The following PTPRM variants were observed in gnomAD, a reference collection of about 807,000 sequenced individuals.
PTPRM encodes protein tyrosine phosphatase receptor type M.
Under a neutral mutation model 186.7 loss-of-function variants are expected in PTPRM, and 47 were observed. That is an observed-to-expected ratio of 0.25 (90% CI 0.20 to 0.32). The LOEUF is 0.32. Among genes scored for constraint, PTPRM ranks in the 10% least tolerant of loss-of-function variants. PTPRM has a pLI of 1.00. For synonymous variants in PTPRM, 668 were observed against 674.9 expected (o/e 0.99, Z 0.16); for missense variants, 1,494 against 1,865.0 (o/e 0.80, Z 3.66).
chr18:7,913,175 G>T (rs1003200260), intron 4 of PTPRM, among the ~76,000 whole-genome samples: 1 of 152,126 alleles, frequency 6.6e-6, no homozygotes, highest in Non-Finnish European at 1.5e-5. Context: ...AGTTGATTTT[G>T]TTTATTGATC....
rs148246077 is a variant in PTPRM at position 8,027,884 on chromosome 18, C to T, written c.1133-41802C>T. Reference sequence around the variant, plus strand: ...GTTAGCGATTTCTTCCATCTCTAGCCCCAGCCCCTGTCTTCTGTCTCTTCT... The same window carrying T: ...GTTAGCGATTTCTTCCATCTCTAGCTCCAGCCCCTGTCTTCTGTCTCTTCT... On this transcript the variant is annotated intron_variant, in intron 7 of 32. Transcript: ENST00000580170. 3.1e-3 allele frequency among the ~76,000 whole-genome samples: 471 copies of T among 152,270 alleles called. 1 individual carries two copies. The highest frequency in any genetic ancestry group is 0.011 in the African/African-American group (455 of 41,558).
chr18:8,215,184 C>T (rs908816667), intron 14 of PTPRM, among the ~76,000 whole-genome samples: 2 of 152,038 alleles, frequency 1.3e-5, no homozygotes, highest in African/African-American at 2.4e-5. Context: ...TGTGAGAACC[C>T]GAAAATAGTT....
chr18:8,186,136 G>C (rs2093638340), intron 14 of PTPRM, among the ~76,000 whole-genome samples: 1 of 151,936 alleles, frequency 6.6e-6, no homozygotes, highest in South Asian at 2.1e-4. Flanking sequence ...GACCATCCTG[G>C]CCAACATGGT....
intron 1 of PTPRM, among the ~76,000 whole-genome samples, chr18:7,730,127 A>G (rs1337990477): frequency 6.6e-6 from 1 of 152,164 alleles, no homozygotes; most frequent in Non-Finnish European, 1.5e-5. Context: ...ACCCTTGTAA[A>G]TGAAAGTGGC....
intron 11 of PTPRM, among the ~76,000 whole-genome samples, chr18:8,092,175 A>G (rs1436922993): frequency 1.3e-5 from 2 of 152,126 alleles, no homozygotes; most frequent in Non-Finnish European, 2.9e-5. Flanking sequence ...AGCTTGGTTC[A>G]TGTAGATTCT....
intron 5 of PTPRM, among the ~76,000 whole-genome samples, chr18:7,927,040 A>G (rs2051215233): frequency 6.6e-6 from 1 of 152,126 alleles, no homozygotes; most frequent in African/African-American, 2.4e-5. Context: ...TCTTACACAC[A>G]TACACACCAC....
At chr18:8,082,723 C>T (rs1008012332) in intron 9 of PTPRM, among the ~76,000 whole-genome samples, 11 of 151,780 alleles carry the variant, frequency 7.2e-5, no homozygotes, top group Non-Finnish European at 1.0e-4. Context: ...CTAGTGACCC[C>T]CTCCATTCCA....
chr18:7,668,085 G>A lies in PTPRM; in HGVS notation c.73+100194G>A, dbSNP rs1410319715. 1.3e-5 allele frequency among the ~76,000 whole-genome samples: 2 copies of A among 152,096 alleles called. No individual in the cohort carries two copies. Among genetic ancestry groups the A allele is most frequent in the East Asian group, 3.9e-4 (2 of 5,190 alleles). ...AGTGTCCCCCGTTTTTTATTTTTAT[G>A]GTGGTGGTTGTAATGTATTTGCTTT... On this transcript the variant is annotated intron_variant, in intron 1 of 32. Transcript: ENST00000580170. This position sits in a 1 kb window ranked among gnomAD's most constrained non-coding sequence, Gnocchi z 4.7.
At chr18:7,994,226 A>G (rs905701085) in intron 7 of PTPRM, among the ~76,000 whole-genome samples, 1 of 151,890 alleles carries the variant, frequency 6.6e-6, no homozygotes, top group Non-Finnish European at 1.5e-5. Context: ...AGATCAGTAC[A>G]TAATTATAAA....
At chr18:7,938,084 G>C (rs867772843) in intron 5 of PTPRM, among the ~76,000 whole-genome samples, 2 of 152,156 alleles carry the variant, frequency 1.3e-5, no homozygotes, top group African/African-American at 4.8e-5. Flanking sequence ...TCTGAACATA[G>C]AGATGCTCAT....
chr18:7,976,487 G>A (rs2054950497), intron 7 of PTPRM, among the ~76,000 whole-genome samples: 1 of 152,210 alleles, frequency 6.6e-6, no homozygotes, highest in African/African-American at 2.4e-5. Flanking sequence ...TTGGTACGAT[G>A]TGTTGATAAT....
intron 1 of PTPRM, among the ~76,000 whole-genome samples, chr18:7,582,262 T>C (rs371166749): frequency 6.6e-6 from 1 of 152,322 alleles, no homozygotes; most frequent in African/African-American, 2.4e-5. Flanking sequence ...ATACTTTGTG[T>C]ATATGTGTCT....
At chr18:7,716,816 AG>A (rs2040343682) in intron 1 of PTPRM, among the ~76,000 whole-genome samples, 1 of 152,236 alleles carries the variant, frequency 6.6e-6, no homozygotes, top group African/African-American at 2.4e-5. Context: ...ATCATTAAAA[AG>A]TCAGGAAATA....
At chr18:7,717,123 G>T (rs1301811210) in intron 1 of PTPRM, among the ~76,000 whole-genome samples, 1 of 152,190 alleles carries the variant, frequency 6.6e-6, no homozygotes, top group Admixed American at 6.5e-5. Context: ...ATTCTAGGCA[G>T]AAAAGGGATG....
At chr18:8,006,026 A>AGAG (rs2084165597) in intron 7 of PTPRM, among the ~76,000 whole-genome samples, 1 of 151,560 alleles carries the variant, frequency 6.6e-6, no homozygotes. Flanking sequence ...AAGAGGTGAA[A>AGAG]GGATTCATGG....
intron 5 of PTPRM, among the ~76,000 whole-genome samples, chr18:7,927,267 CAG>C (rs2051227333): frequency 6.6e-6 from 1 of 152,168 alleles, no homozygotes; most frequent in East Asian, 1.9e-4. Context: ...GGAATCCTGA[CAG>C]AATGAGTGGG....
intron 1 of PTPRM, among the ~76,000 whole-genome samples, chr18:7,771,237 A>G (rs527979514): frequency 6.6e-6 from 1 of 152,270 alleles, no homozygotes; most frequent in Admixed American, 6.5e-5. Flanking sequence ...CTTTCATCTG[A>G]GTGCTATCTG....
At chr18:8,134,776 C>T (rs961190485) in intron 13 of PTPRM, among the ~76,000 whole-genome samples, 1 of 152,008 alleles carries the variant, frequency 6.6e-6, no homozygotes, top group African/African-American at 2.4e-5. Flanking sequence ...TACAACTGAC[C>T]AAGATCACTT....
intron 23 of PTPRM, chr18:8,365,605 A>G (rs1406117384): frequency 6.6e-6 from 1 of 152,212 alleles, no homozygotes; most frequent in Non-Finnish European, 1.5e-5. Flanking sequence ...CTGATAGGCA[A>G]ATGGACATGC....
Sources: gnomAD v4.1 joint callset for allele counts (sites outside exome capture counted in the v4.1 genomes callset) on GRCh38, gnomAD v4.1.1 for gene constraint, Gnocchi (gnomAD v3.1) non-coding constraint, MANE v1.5 for transcripts, NCBI Gene and HGNC (gene_info 2026-07-23, HGNC 2026-07-21) for gene names.